OPRM1: variants seen among roughly 807,000 people sequenced by gnomAD.
The protein encoded by OPRM1 is opioid receptor mu 1, also known as mu-type opioid receptor.
Under a neutral mutation model 31.8 loss-of-function variants are expected in OPRM1, and 27 were observed. The observed-to-expected ratio is 0.85, with a 90% CI of 0.63 to 1.17. The LOEUF (loss-of-function observed/expected upper bound fraction) is 1.17. OPRM1 is among the 50% of genes most tolerant of loss of function. The pLI, the probability that OPRM1 is intolerant of heterozygous loss-of-function variation, is 0.00. For synonymous variants in OPRM1, 196 were observed against 189.9 expected (o/e 1.03, Z -0.26); for missense variants, 536 against 511.1 (o/e 1.05, Z -0.47).
At chr6:154,214,340 C>T in intron 3 of OPRM1, 2 of 1,090,478 alleles carry the variant, frequency 1.8e-6, no homozygotes, top group Non-Finnish European at 2.8e-6. Context: ...TTCACCTTCC[C>T]CCAGAGTTTG....
intron 1 of OPRM1, among the ~76,000 whole-genome samples, chr6:154,080,843 A>C (rs368762228): frequency 4.0e-4 from 61 of 152,350 alleles, no homozygotes; most frequent in South Asian, 2.9e-3. Context: ...TCTGTTAGAC[A>C]ATGATATTAT....
chr6:154,245,416 T>C (rs1163082005), intron 3 of OPRM1, among the ~76,000 whole-genome samples: 1 of 152,170 alleles, frequency 6.6e-6, no homozygotes, highest in Non-Finnish European at 1.5e-5. Flanking sequence ...AGCACTGGAA[T>C]TGGATTTGGG....
rs948542977 is a variant in OPRM1, at chr6:154,126,897, G to T, written c.*8176G>T. On this transcript the variant is annotated 3_prime_UTR_variant, in exon 4 of 4. Coordinates refer to ENST00000330432, the MANE Select transcript of OPRM1 (RefSeq NM_000914.5). ...GAGGCCGAGGCGGGCGGAACACAAG[G>T]TCAGGAGATCAAGACCATCCTGGCC... Among the ~76,000 whole-genome samples the T allele has an allele frequency of 4.6e-5, 7 of 152,124 alleles. No homozygotes were observed. Among genetic ancestry groups the T allele is most frequent in the African/African-American group, 1.7e-4 (7 of 41,400 alleles).
intron 3 of OPRM1, among the ~76,000 whole-genome samples, chr6:154,162,067 G>A (rs1311921807): frequency 2.0e-5 from 3 of 152,144 alleles, no homozygotes; most frequent in Admixed American, 6.5e-5. Context: ...TATTGCCCAC[G>A]AACTACATGG....
chr6:154,231,082 A>G (rs1484237289), intron 3 of OPRM1, among the ~76,000 whole-genome samples: 1 of 152,226 alleles, frequency 6.6e-6, no homozygotes, highest in East Asian at 1.9e-4. Context: ...CACTGGAAAC[A>G]GATGAGGTCT....
At chr6:154,221,108 G>A (rs147178435) in intron 3 of OPRM1, 10 of 597,780 alleles carry the variant, frequency 1.7e-5, no homozygotes, top group African/African-American at 1.3e-4. Flanking sequence ...AAGAAAGCAC[G>A]AAGGCATTGT....
intron 1 of OPRM1, among the ~76,000 whole-genome samples, chr6:154,021,066 C>G (rs1778337193): frequency 6.6e-6 from 1 of 152,162 alleles, no homozygotes; most frequent in Non-Finnish European, 1.5e-5. Context: ...TTCTTCTACA[C>G]TATATTCTAG....
intron 3 of OPRM1, among the ~76,000 whole-genome samples, chr6:154,177,935 T>C (rs924897118): frequency 6.6e-6 from 1 of 152,160 alleles, no homozygotes; most frequent in Non-Finnish European, 1.5e-5. Flanking sequence ...GTGTCACATA[T>C]ACACCATGGG....
At chr6:154,040,890 G>A (rs919827433) in intron 1 of OPRM1, among the ~76,000 whole-genome samples, 1 of 152,078 alleles carries the variant, frequency 6.6e-6, no homozygotes, top group Non-Finnish European at 1.5e-5. Flanking sequence ...AATACTACAT[G>A]TGAATGTGAA....
At chr6:154,110,319 T>A in intron 3 of OPRM1, 1 of 1,022,358 alleles carries the variant, frequency 9.8e-7, no homozygotes, top group Non-Finnish European at 1.5e-6. Context: ...TTATAATTGG[T>A]ACATTGTTCT....
At chr6:154,207,838 A>G (rs1024291500) in intron 3 of OPRM1, among the ~76,000 whole-genome samples, 5 of 152,248 alleles carry the variant, frequency 3.3e-5, no homozygotes, top group Non-Finnish European at 7.3e-5. Flanking sequence ...AATAATCTGC[A>G]TAAGCTTCTA....
Position 154,039,689 on chromosome 6 carries a change from C to A in OPRM1, c.145C>A (p.Arg49Ser), listed in dbSNP as rs190334733. 1.2e-6 allele frequency: 2 copies of A among 1,613,986 alleles called. No individual in the cohort carries two copies. The highest frequency in any genetic ancestry group is 2.2e-5 in the East Asian group (1 of 44,876). Residue 49 changes from arginine (R) to serine (S), a missense_variant, in exon 1 of 4, where the codon CGC becomes AGC. Arg to Ser is a moderately radical substitution (Grantham distance 110, BLOSUM62 -1). Coordinates refer to ENST00000330432, the MANE Select transcript of OPRM1 (RefSeq NM_000914.5). ...GNLSDPCGPN[R>S]TDLGGRDSLC... ...CCTGTCCGACCCATGCGGTCCGAAC[C>A]GCACCGACCTGGGCGGGAGAGACAG...
At chr6:154,100,300 A>ATATTAT (rs1562473045) in intron 3 of OPRM1, among the ~76,000 whole-genome samples, 2 of 146,512 alleles carry the variant, frequency 1.4e-5, no homozygotes, top group African/African-American at 2.5e-5. Flanking sequence ...AATATATATC[A>ATATTAT]AAAAGTCACA....
At chr6:154,213,241 C>T (rs1047503384) in intron 3 of OPRM1, 1 of 202,824 alleles carries the variant, frequency 4.9e-6, no homozygotes, top group African/African-American at 2.3e-5. Context: ...TGGTGCACAA[C>T]TTGTGAAGGG....
chr6:154,164,765 T>C lies in OPRM1; in HGVS notation c.1164+73293T>C, dbSNP rs376400248. ...CAGAGTAACTCAGAGAGAGTTTCAG[T>C]TGGACCCATTAATCATTCCATTAAT... On this transcript the variant is annotated intron_variant, in intron 3 of 3. Coordinates refer to the OPRM1 transcript ENST00000337049. 1.4e-4 allele frequency among the ~76,000 whole-genome samples: 22 copies of C among 152,336 alleles called. 2 individuals carry two copies. The highest frequency in any genetic ancestry group is 3.4e-3 in the Middle Eastern group (1 of 294).
chr6:154,120,843 T>G lies in OPRM1; in HGVS notation c.*2122T>G, dbSNP rs1797258818. On this transcript the variant is annotated 3_prime_UTR_variant, in exon 4 of 4. Transcript: ENST00000330432. ...TTGTCTTCAAGTAGGACCTGATCTA[T>G]CTTTTTCCACAAATGTCATGTGTGT... Among the ~76,000 whole-genome samples the G allele has an allele frequency of 6.6e-6, 1 of 152,194 alleles. No individual in the cohort carries two copies. The highest frequency in any genetic ancestry group is 2.4e-5 in the African/African-American group (1 of 41,456).
intron 1 of OPRM1, among the ~76,000 whole-genome samples, chr6:154,019,801 A>G (rs1462900072): frequency 7.0e-6 from 1 of 143,626 alleles, no homozygotes; most frequent in Non-Finnish European, 1.5e-5. Flanking sequence ...AGGCACAAAC[A>G]TGGCTCACTG....
intron 1 of OPRM1, chr6:154,086,791 G>A: frequency 1.0e-6 from 1 of 985,336 alleles, no homozygotes; most frequent in Non-Finnish European, 1.2e-6. Flanking sequence ...AGTGGCAAAT[G>A]CAATGAAGCA....
chr6:154,156,054 A>G (rs1489854285), intron 3 of OPRM1: 1 of 152,256 alleles, frequency 6.6e-6, no homozygotes, highest in Non-Finnish European at 1.5e-5. Flanking sequence ...CAAAAAGCAA[A>G]CAAAATAAAC....
Sources: gnomAD v4.1 joint callset for allele counts (sites outside exome capture counted in the v4.1 genomes callset) on GRCh38, gnomAD v4.1.1 for gene constraint, MANE v1.5 for transcripts, NCBI Gene and HGNC (gene_info 2026-07-23, HGNC 2026-07-21) for gene names.